The following ITFG2 variants were observed in gnomAD, a reference collection of about 807,000 sequenced individuals.
ITFG2 encodes the protein integrin alpha FG-GAP repeat containing 2.
ITFG2 carries 36 observed loss-of-function variants against 54.4 expected under a neutral mutation model. That is an observed-to-expected ratio of 0.66 (90% CI 0.51 to 0.87). The LOEUF (loss-of-function observed/expected upper bound fraction) is 0.87. Among genes scored for constraint, ITFG2 ranks in the 40% least tolerant of loss-of-function variants. The probability of loss-of-function intolerance (pLI) is 0.00; values close to 1 mark genes in which losing one functional copy is unlikely to be tolerated. For synonymous variants in ITFG2, 211 were observed against 225.4 expected, an observed-to-expected ratio of 0.94 and a Z score of 0.57; for missense variants, 524 against 576.7, an observed-to-expected ratio of 0.91 and a Z score of 0.94.
chr12:2,821,072 A>G (rs1263246550), intron 6 of ITFG2, among the ~76,000 whole-genome samples, 190 bp from the exon 7 acceptor site: 1 of 152,186 alleles, frequency 6.6e-6, no homozygotes, highest in Non-Finnish European at 1.5e-5. Flanking sequence ...CACCTGAAAG[A>G]GGTCCTGAGA....
intron 2 of ITFG2, among the ~76,000 whole-genome samples, chr12:2,842,986 T>G (rs1294094833): frequency 6.6e-6 from 1 of 152,140 alleles, no homozygotes; most frequent in Non-Finnish European, 1.5e-5. Flanking sequence ...TCAGAGATCT[T>G]TCCATCTTTT....
At chr12:2,827,861 C>G (rs1161295677), downstream of ITFG2, 1 of 1,610,938 alleles carries the variant, frequency 6.2e-7, no homozygotes. The surrounding 1 kb of genome is among the most constrained non-coding windows in gnomAD (Gnocchi z 4.0). Context: ...AAGTCTCAGC[C>G]TTTGCCCCAC....
At chr12:2,837,450 C>T (rs907351866) in intron 1 of ITFG2, among the ~76,000 whole-genome samples, 2 of 151,758 alleles carry the variant, frequency 1.3e-5, no homozygotes, top group African/African-American at 2.4e-5. Flanking sequence ...TGCACTCCAG[C>T]CTAGGCGACA....
rs569055360 is a variant in ITFG2, at chr12:2,853,607, GTTT to G, written n.301-4402_301-4400del. On this transcript the variant is annotated intron_variant and non_coding_transcript_variant, in intron 2 of 3. Transcript: ENST00000537710. ...TGTTGTTGTTGTTGTTTTTGTTTTT[GTTT>G]TTGTTTTTTTTTCAGATTAAAAATC... 7.1e-3 allele frequency among the ~76,000 whole-genome samples: 1,030 copies of G among 145,518 alleles called. 4 individuals carry two copies. Among genetic ancestry groups the G allele is most frequent in the Middle Eastern group, 0.011 (3 of 276 alleles).
In ITFG2 at chr12:2,841,371, CAAT is replaced by C. The variant is rs572480067; in HGVS notation, n.300+377_300+379del. 2.0e-3 allele frequency among the ~76,000 whole-genome samples: 308 copies of C among 152,260 alleles called. 2 individuals carry two copies. The highest frequency in any genetic ancestry group is 6.8e-3 in the Middle Eastern group (2 of 294). On this transcript the variant is annotated intron_variant and non_coding_transcript_variant, in intron 2 of 3. Transcript: ENST00000537710. ...GGCTCTGGTGTTTTTGTATTTCTAG[CAAT>C]GATGAAGGGGCAGAGAAGGGCTTAA...
At chr12:2,817,423 C>T (rs1228218195) in intron 2 of ITFG2, 105 bp downstream of exon 2, 2 of 736,458 alleles carry the variant, frequency 2.7e-6, no homozygotes, top group East Asian at 2.7e-5. Flanking sequence ...GTCCTGACTC[C>T]CTAGCTACTG....
chr12:2,822,546 G>T (rs998645797), intron 9 of ITFG2, among the ~76,000 whole-genome samples: 2 of 152,214 alleles, frequency 1.3e-5, no homozygotes, highest in African/African-American at 4.8e-5. Flanking sequence ...ACCTGGGTTT[G>T]AATCCTGATT....
chr12:2,849,139 G>C, intron 2 of ITFG2: 1 of 1,343,978 alleles, frequency 7.4e-7, no homozygotes, highest in Non-Finnish European at 9.9e-7. Context: ...GAGTCCTTTT[G>C]CTACCCCAGG....
chr12:2,854,062 G>C (rs561655042), intron 2 of ITFG2, among the ~76,000 whole-genome samples: 1 of 152,208 alleles, frequency 6.6e-6, no homozygotes, highest in South Asian at 2.1e-4. Context: ...TTTCTCTCTT[G>C]TTGCCCCGGC....
At chr12:2,850,852 A>G (rs557855083) in intron 2 of ITFG2, among the ~76,000 whole-genome samples, 2 of 150,394 alleles carry the variant, frequency 1.3e-5, no homozygotes, top group Non-Finnish European at 3.0e-5. Flanking sequence ...TTATATTTTT[A>G]GTAGAGATGG....
upstream of ITFG2, among the ~76,000 whole-genome samples, chr12:2,832,537 A>AT (rs2098008801): frequency 1.3e-5 from 2 of 151,832 alleles, no homozygotes; most frequent in Admixed American, 6.6e-5. Flanking sequence ...TTCTGTGTAC[A>AT]TCCTATAATG....
chr12:2,834,823 T>C, upstream of ITFG2: 2 of 1,613,674 alleles, frequency 1.2e-6, no homozygotes, highest in Non-Finnish European at 1.7e-6. Context: ...GGCCTCCTGC[T>C]TGGTGCTCAT....
rs745661697 is a variant in ITFG2 at position 2,845,296 on chromosome 12, C to T, written n.300+4301C>T. Among the ~76,000 whole-genome samples, 2 of 152,072 alleles carry T rather than the reference C, an allele frequency of 1.3e-5. No homozygotes were observed. The highest frequency in any genetic ancestry group is 2.9e-5 in the Non-Finnish European group (2 of 68,018). The stretch of plus-strand genomic sequence containing the variant: ...GGATCTTGGCTCGAGTTTGTCATCT[C>T]AAGGAGCAGCTATGGGGCTTTTTGA... On this transcript the variant is annotated intron_variant and non_coding_transcript_variant, in intron 2 of 3. Coordinates refer to the ITFG2 transcript ENST00000537710. This position sits in a 1 kb window ranked among gnomAD's most constrained non-coding sequence, Gnocchi z 4.2.
chr12:2,847,868 C>G (rs1232021332), intron 2 of ITFG2, among the ~76,000 whole-genome samples: 3 of 152,222 alleles, frequency 2.0e-5, no homozygotes, highest in African/African-American at 7.2e-5. Flanking sequence ...TTCATCCACA[C>G]TGTAGCATCT....
downstream of ITFG2, among the ~76,000 whole-genome samples, chr12:2,831,549 ACT>A (rs1188299903): frequency 6.6e-6 from 1 of 151,674 alleles, no homozygotes; most frequent in Non-Finnish European, 1.5e-5. Flanking sequence ...ACACCACTGC[ACT>A]CCAGTCTGGT....
chr12:2,858,494 C>T (rs2153930844), intron 3 of ITFG2: 1 of 679,584 alleles, frequency 1.5e-6, no homozygotes, highest in East Asian at 2.7e-5. Context: ...GGTGTGACTG[C>T]TACTTTTGCA....
intron 1 of ITFG2, among the ~76,000 whole-genome samples, chr12:2,813,688 C>T (rs1375689400): frequency 1.3e-5 from 2 of 151,946 alleles, no homozygotes; most frequent in African/African-American, 4.8e-5. Flanking sequence ...CTGTATTGCC[C>T]CCTTCTACCC....
chr12:2,853,996 A>G (rs1289909998), intron 2 of ITFG2, among the ~76,000 whole-genome samples: 1 of 152,130 alleles, frequency 6.6e-6, no homozygotes, highest in Non-Finnish European at 1.5e-5. Flanking sequence ...TCTCTCCTGA[A>G]TTTCTGTAAC....
chr12:2,854,812 C>CGGTT (rs2098082039), intron 2 of ITFG2: 1 of 1,368,002 alleles, frequency 7.3e-7, no homozygotes, highest in African/African-American at 1.5e-5. Flanking sequence ...GACAGAGTCC[C>CGGTT]GGTTAGAAAC....
Sources: gnomAD v4.1 joint callset for allele counts (sites outside exome capture counted in the v4.1 genomes callset) on GRCh38, gnomAD v4.1.1 for gene constraint, Gnocchi (gnomAD v3.1) non-coding constraint, MANE v1.5 for transcripts, NCBI Gene and HGNC (gene_info 2026-07-23, HGNC 2026-07-21) for gene names.